Variants in ADGRG1 observed in about 807,000 individuals in gnomAD.
ADGRG1 encodes the protein adhesion G protein-coupled receptor G1, also known as 7-transmembrane protein with no EGF-like N-terminal domains-1.
Under a neutral mutation model 73.5 loss-of-function variants are expected in ADGRG1, and 53 were observed. That is an observed-to-expected ratio of 0.72 (90% CI 0.58 to 0.91). ADGRG1 has a LOEUF of 0.91. ADGRG1 is among the 40% of genes least tolerant of loss of function. The pLI is 0.00. For missense variants in ADGRG1, 795 were observed against 871.8 expected, an observed-to-expected ratio of 0.91 and a Z score of 1.11; for synonymous variants, 394 against 374.4, an observed-to-expected ratio of 1.05 and a Z score of -0.60.
At chr16:57,660,454 G>C (rs2046812343) in intron 11 of ADGRG1, 1 of 895,516 alleles carries the variant, frequency 1.1e-6, no homozygotes, top group Admixed American at 6.2e-5. Context: ...CTCCTAAACT[G>C]TCTGCCCCTC....
chr16:57,656,060 T>C, intron 7 of ADGRG1, 68 bp downstream of exon 7: 1 of 1,613,478 alleles, frequency 6.2e-7, no homozygotes, highest in Non-Finnish European at 8.5e-7. Context: ...TCTCCCTCCC[T>C]CCAGACTCAT....
upstream of ADGRG1, chr16:57,623,864 G>A: frequency 1.0e-6 from 1 of 977,380 alleles, no homozygotes; most frequent in Non-Finnish European, 1.2e-6. Context: ...GGGAACATTG[G>A]CCGCAAAACA....
At chr16:57,644,302 C>T (rs1405507734) in intron 1 of ADGRG1, 22 of 537,722 alleles carry the variant, frequency 4.1e-5, no homozygotes, top group Non-Finnish European at 4.7e-5. Flanking sequence ...TGCTCAGGCA[C>T]ACACTCATGC....
chr16:57,644,650 GCACACTCAT>G (rs2041938761), intron 1 of ADGRG1, among the ~76,000 whole-genome samples: 5 of 81,536 alleles, frequency 6.1e-5, no homozygotes, highest in South Asian at 7.6e-4. Flanking sequence ...GCATGGGCAC[GCACACTCAT>G]CACACACTCC....
chr16:57,637,699 C>T (rs2039711654), intron 1 of ADGRG1: 1 of 985,430 alleles, frequency 1.0e-6, no homozygotes, highest in Non-Finnish European at 1.2e-6. Context: ...ATAGCAGCCT[C>T]CTGACTGAAG....
chr16:57,655,363 T>C lies in ADGRG1; in HGVS notation c.769-36T>C, dbSNP rs1223931341. ...AGGGTGGGGGGCACGGATCTAGGGGTCCGCATTTGGCTGAGCCCTAAAGGG... is the reference window on the plus strand; with the variant it reads ...AGGGTGGGGGGCACGGATCTAGGGGCCCGCATTTGGCTGAGCCCTAAAGGG... On this transcript the variant is annotated intron_variant, in intron 5 of 13. Transcript: ENST00000562631. The C allele has an allele frequency of 2.5e-6, 4 of 1,607,470 alleles. No homozygotes were observed. The East Asian group carries it at 8.9e-5, about 36-fold the overall frequency.
chr16:57,657,010 C>T (rs1165530728), intron 9 of ADGRG1, among the ~76,000 whole-genome samples: 4 of 152,198 alleles, frequency 2.6e-5, no homozygotes, highest in African/African-American at 9.6e-5. Context: ...TAGGATTCTG[C>T]CTGTGGGTAT....
In ADGRG1 at chr16:57,659,159, C is replaced by T. The variant is rs866713693; in HGVS notation, c.1287-254C>T. The stretch of plus-strand genomic sequence containing the variant: ...GGTTTATTACTGTGGTTGTCTTCCT[C>T]GCTCTGCCTGGCTGAGGCTTCTGTT... On this transcript the variant is annotated intron_variant, in intron 10 of 13. Transcript: ENST00000562631. The T allele has an allele frequency of 6.6e-5, 65 of 985,408 alleles. 1 individual carries two copies. In the Middle Eastern group the frequency reaches 3.1e-3, roughly 48 times the overall value. The allele number at this position is 985,408 out of a possible 1,614,324, so 61.0% of individuals were successfully genotyped here. A position where few individuals can be genotyped will look rare whatever the true frequency, so the allele number is the denominator to read the frequency against.
In ADGRG1 at chr16:57,656,514, T is replaced by A. The variant is rs1330244828; in HGVS notation, c.1064T>A (p.Leu355Ter). ...QCVFWVEDPT[L>*]SSPGHWSSAG... ...GAGCCCCGTGCTGTCCCCTCCTCAG[T>A]GAGCAGCCCGGGGCATTGGAGCAGT... Residue 355 changes from leucine to a stop codon, truncating the protein, a stop_gained and splice_region_variant, in exon 9 of 14, where the codon TTG becomes TAG. Transcript: ENST00000562631. LOFTEE classifies it high-confidence loss of function. The A allele has an allele frequency of 6.2e-7, 1 of 1,610,396 alleles. No individual in the cohort carries two copies. The highest frequency in any genetic ancestry group is 8.5e-7 in the Non-Finnish European group (1 of 1,176,694).
intron 1 of ADGRG1, chr16:57,647,563 T>G (rs377122675): frequency 3.8e-6 from 2 of 525,938 alleles, no homozygotes; most frequent in South Asian, 8.2e-5. Flanking sequence ...TCTTTACTAG[T>G]GAGGAAAGCG....
rs917318478 is a variant in ADGRG1 at position 57,639,625 on chromosome 16, G to A, written c.-35-10628G>A. On this transcript the variant is annotated intron_variant, in intron 1 of 13. Transcript: ENST00000562631. ...CAAGAACCCCTCATCTGCCACGCAC[G>A]TTCTTAATGTATCTATAGTCTGCCT... 10 of 985,412 alleles carry A rather than the reference G, an allele frequency of 1.0e-5. No individual in the cohort carries two copies. The African/African-American group carries it at 1.0e-4, about 10-fold the overall frequency. The allele number at this position is 985,412 out of a possible 1,614,324, so 61.0% of individuals were successfully genotyped here. A position where few individuals can be genotyped will look rare whatever the true frequency, so the allele number is the denominator to read the frequency against.
chr16:57,656,360 G>A (rs2148440509), intron 8 of ADGRG1, 89 bp downstream of exon 8: 2 of 1,611,610 alleles, frequency 1.2e-6, no homozygotes, highest in Non-Finnish European at 8.5e-7. Flanking sequence ...AATCACCGAG[G>A]GCTTCCTGGA....
At position 57,654,152 on chromosome 16, in the gene ADGRG1, C is replaced by T. The variant is rs751072718; in HGVS notation, c.768+19C>T. 1.3e-5 allele frequency: 21 copies of T among 1,606,928 alleles called. No homozygotes were observed. The South Asian group carries it at 2.3e-4, about 18-fold the overall frequency. ...GCAGGAGGTCAGGGGCAGGCCTGGG[C>T]AGGAAGCAGATGCGGGTTGGGCCGG... On this transcript the variant is annotated intron_variant, in intron 5 of 13. Transcript: ENST00000562631.
chr16:57,662,482 A>C (rs1029678832), intron 13 of ADGRG1, among the ~76,000 whole-genome samples: 11 of 152,028 alleles, frequency 7.2e-5, no homozygotes, highest in Admixed American at 5.2e-4. Context: ...GCTTTTTGGA[A>C]ACGCAGCCTC....
At chr16:57,650,070 G>C in intron 1 of ADGRG1, 183 bp from the exon 2 acceptor site, 14 of 941,410 alleles carry the variant, frequency 1.5e-5, no homozygotes, top group Non-Finnish European at 1.8e-5. Context: ...AAGTCACCAC[G>C]CCTGGCCTCA....
chr16:57,637,568 C>A lies in ADGRG1; in HGVS notation c.-36+8766C>A, dbSNP rs986917234. 1.8e-5 allele frequency: 18 copies of A among 985,322 alleles called. No individual in the cohort carries two copies. The Admixed American group carries it at 1.8e-4, about 10-fold the overall frequency. The allele number at this position is 985,322 out of a possible 1,614,324, so 61.0% of individuals were successfully genotyped here. A position where few individuals can be genotyped will look rare whatever the true frequency, so the allele number is the denominator to read the frequency against. On this transcript the variant is annotated intron_variant, in intron 1 of 13. Transcript: ENST00000562631. ...TTCTCCGGCCAGCAAGCCTTGTGAG[C>A]CTTTCCGGGAGAAGGTTTCACCAGA...
intron 3 of ADGRG1, chr16:57,651,969 T>C (rs2044214090): frequency 7.9e-7 from 1 of 1,261,798 alleles, no homozygotes; most frequent in Non-Finnish European, 1.0e-6. Context: ...GGAAAGGGAC[T>C]GAAGATCAAG....
chr16:57,632,570 C>G (rs2038257630), intron 1 of ADGRG1, among the ~76,000 whole-genome samples: 1 of 152,216 alleles, frequency 6.6e-6, no homozygotes, highest in Admixed American at 6.5e-5. Flanking sequence ...GTGAGCACTT[C>G]TCCCTGCCCC....
intron 9 of ADGRG1, 185 bp from the exon 10 acceptor site, chr16:57,657,188 C>G (rs2045941902): frequency 3.5e-6 from 1 of 284,096 alleles, no homozygotes; most frequent in Admixed American, 6.5e-5. Context: ...AGAATGTGGT[C>G]AAATCTAAAG....
Sources: allele counts gnomAD v4.1 joint callset (sites outside exome capture counted in the v4.1 genomes callset), GRCh38; gene constraint gnomAD v4.1.1; transcripts MANE v1.5; gene names NCBI Gene and HGNC (gene_info 2026-07-23, HGNC 2026-07-21).